The following CYRIA variants were observed in gnomAD, a reference collection of about 807,000 sequenced individuals.
The protein encoded by CYRIA is CYFIP related Rac1 interactor A.
Under a neutral mutation model 43.9 loss-of-function variants are expected in CYRIA, and 15 were observed. That is an observed-to-expected ratio of 0.34 (90% CI 0.23 to 0.53). CYRIA has a LOEUF of 0.53. CYRIA is among the 20% of genes least tolerant of loss of function. The pLI, the probability that CYRIA is intolerant of heterozygous loss-of-function variation, is 0.94. For synonymous variants in CYRIA, 117 were observed against 136.0 expected (o/e 0.86, Z 0.97); for missense variants, 236 against 394.2 (o/e 0.60, Z 3.40).
intron 1 of CYRIA, among the ~76,000 whole-genome samples, chr2:16,655,644 G>A (rs994501512): frequency 3.9e-5 from 6 of 152,166 alleles, no homozygotes; most frequent in Admixed American, 6.5e-5. Context: ...ACTGGAGCAC[G>A]GCCTGATCAC....
At chr2:16,605,329 C>T (rs1668360391) in intron 2 of CYRIA, among the ~76,000 whole-genome samples, 1 of 152,198 alleles carries the variant, frequency 6.6e-6, no homozygotes. Context: ...GAATGAAAGT[C>T]AATGTGTCCC....
intron 1 of CYRIA, among the ~76,000 whole-genome samples, chr2:16,632,026 C>T (rs1005804345): frequency 2.0e-5 from 3 of 152,224 alleles, no homozygotes; most frequent in Non-Finnish European, 4.4e-5. Flanking sequence ...AGTGCCCCAG[C>T]CTGCAGCACT....
At chr2:16,608,797 C>T (rs1668497684) in intron 2 of CYRIA, among the ~76,000 whole-genome samples, 1 of 152,166 alleles carries the variant, frequency 6.6e-6, no homozygotes, top group South Asian at 2.1e-4. Context: ...CAAGTCATTG[C>T]CCTTTTAGCA....
Position 16,562,155 on chromosome 2 carries a change from G to A in CYRIA, c.299-14C>T, listed in dbSNP as rs758872214. ...GAAGAGCTTTTTCTGAAAATCAAAGGGATAAATAGATATGTTGGAGGTGGC... is the reference window on the plus strand; with the variant it reads ...GAAGAGCTTTTTCTGAAAATCAAAGAGATAAATAGATATGTTGGAGGTGGC... On this transcript the variant is annotated splice_polypyrimidine_tract_variant and intron_variant, in intron 5 of 11. Coordinates refer to ENST00000381323, the MANE Select transcript of CYRIA (RefSeq NM_030797.4). 31 of 1,604,674 alleles carry A rather than the reference G, an allele frequency of 1.9e-5. No individual in the cohort carries two copies. The highest frequency in any genetic ancestry group is 8.6e-5 in the Admixed American group (5 of 58,222).
At chr2:16,576,907 C>CA (rs1175162117) in intron 3 of CYRIA, among the ~76,000 whole-genome samples, 1 of 152,062 alleles carries the variant, frequency 6.6e-6, no homozygotes, top group Non-Finnish European at 1.5e-5. Context: ...GCAAAATAAA[C>CA]AAGTAACAGC....
chr2:16,665,158 G>T (rs939660972), intron 1 of CYRIA, among the ~76,000 whole-genome samples: 1 of 152,166 alleles, frequency 6.6e-6, no homozygotes, highest in Non-Finnish European at 1.5e-5. Context: ...CAGCATTTTG[G>T]GAAGTGGGTC....
chr2:16,622,887 A>G (rs1669041917), intron 2 of CYRIA: 1 of 152,242 alleles, frequency 6.6e-6, no homozygotes, highest in South Asian at 2.1e-4. Flanking sequence ...CAAGTCTGGG[A>G]TAAGACAATC....
At chr2:16,660,286 A>T (rs1220252751) in intron 1 of CYRIA, among the ~76,000 whole-genome samples, 1 of 152,220 alleles carries the variant, frequency 6.6e-6, no homozygotes, top group Non-Finnish European at 1.5e-5. Context: ...ACGAGGAAGT[A>T]AGGACTGCAG....
At chr2:16,623,735 G>C (rs1669072478) in intron 2 of CYRIA, 129 bp downstream of exon 2, 1 of 152,170 alleles carries the variant, frequency 6.6e-6, no homozygotes, top group African/African-American at 2.4e-5. Context: ...ATAGAACCCA[G>C]AGCCTTGAAC....
At chr2:16,578,850 T>C (rs1470812661) in intron 3 of CYRIA, among the ~76,000 whole-genome samples, 2 of 152,046 alleles carry the variant, frequency 1.3e-5, no homozygotes, top group African/African-American at 2.4e-5. Flanking sequence ...GAAAAAGACA[T>C]TTGAAAAGAT....
rs1198480929 is a variant in CYRIA at position 16,650,579 on chromosome 2, C to T, written c.-167+15201G>A. 6.6e-6 allele frequency among the ~76,000 whole-genome samples: 1 copy of T among 152,226 alleles called. No homozygotes were observed. The highest frequency in any genetic ancestry group is 1.5e-5 in the Non-Finnish European group (1 of 68,042). On this transcript the variant is annotated intron_variant, in intron 1 of 11. Coordinates refer to ENST00000381323, the MANE Select transcript of CYRIA (RefSeq NM_030797.4). The surrounding 1 kb of genome is among the most constrained non-coding windows in gnomAD (Gnocchi z 4.1). Reference sequence around the variant, plus strand: ...TGGGCTGGCAGCCCCAGCTCTCACACTCAGAGGCTCCACAAAGCAACCCTA... The same window carrying T: ...TGGGCTGGCAGCCCCAGCTCTCACATTCAGAGGCTCCACAAAGCAACCCTA...
intron 2 of CYRIA, 52 bp from the exon 3 acceptor site, chr2:16,588,181 A>C: frequency 8.0e-7 from 1 of 1,243,340 alleles, no homozygotes; most frequent in South Asian, 1.4e-5. Context: ...AAAAAAATAG[A>C]CTTGCGTGAA....
At chr2:16,562,450 T>C (rs1367316767) in intron 5 of CYRIA, among the ~76,000 whole-genome samples, 1 of 152,164 alleles carries the variant, frequency 6.6e-6, no homozygotes, top group African/African-American at 2.4e-5. Flanking sequence ...TATGTGTTTT[T>C]GGGTCATGTG....
chr2:16,612,038 C>T (rs902974696), intron 2 of CYRIA, among the ~76,000 whole-genome samples: 4 of 152,112 alleles, frequency 2.6e-5, no homozygotes, highest in Non-Finnish European at 4.4e-5. Flanking sequence ...TGTCCTCTCT[C>T]CCACCACATT....
chr2:16,615,962 T>TTCTTC (rs1159229015), intron 2 of CYRIA, among the ~76,000 whole-genome samples: 1 of 152,196 alleles, frequency 6.6e-6, no homozygotes, highest in African/African-American at 2.4e-5. Flanking sequence ...CTTCACTCCA[T>TTCTTC]TCTTCTCTTC....
intron 2 of CYRIA, among the ~76,000 whole-genome samples, chr2:16,619,272 T>C (rs1668914048): frequency 6.6e-6 from 1 of 152,154 alleles, no homozygotes; most frequent in Admixed American, 6.5e-5. Flanking sequence ...TTCTACATAA[T>C]GTACACATAT....
chr2:16,658,533 G>A (rs982432061), intron 1 of CYRIA, among the ~76,000 whole-genome samples: 1 of 152,154 alleles, frequency 6.6e-6, no homozygotes, highest in Admixed American at 6.5e-5. Flanking sequence ...TCCAACCCAG[G>A]TCTGTTTGCT....
At chr2:16,606,193 ATCT>A (rs1465070255) in intron 2 of CYRIA, among the ~76,000 whole-genome samples, 3 of 152,024 alleles carry the variant, frequency 2.0e-5, no homozygotes, top group South Asian at 2.1e-4. Flanking sequence ...TCTTTCCAAA[ATCT>A]TCTCCTCTTC....
chr2:16,644,208 T>C (rs113595634), intron 1 of CYRIA, among the ~76,000 whole-genome samples: 1 of 152,208 alleles, frequency 6.6e-6, no homozygotes, highest in Non-Finnish European at 1.5e-5. Flanking sequence ...TAGTGCAGTA[T>C]TGGATATGTA....
Sources: gnomAD v4.1 joint callset for allele counts (sites outside exome capture counted in the v4.1 genomes callset) on GRCh38, gnomAD v4.1.1 for gene constraint, Gnocchi (gnomAD v3.1) non-coding constraint, MANE v1.5 for transcripts, NCBI Gene and HGNC (gene_info 2026-07-23, HGNC 2026-07-21) for gene names.